The following PDE4B variants were observed in gnomAD, a reference collection of about 807,000 sequenced individuals.
PDE4B encodes the protein 3',5'-cyclic-AMP phosphodiesterase 4B.
In PDE4B, 20 loss-of-function variants were observed where a neutral mutation model predicts 82.2. The observed-to-expected ratio is 0.24, with a 90% CI of 0.17 to 0.35. The LOEUF is 0.35. Ranked by LOEUF, PDE4B falls within the 10% of genes least tolerant of loss-of-function variation. The pLI is 1.00. For missense variants in PDE4B, 655 were observed against 907.2 expected, an observed-to-expected ratio of 0.72 and a Z score of 3.57; for synonymous variants, 320 against 318.9, an observed-to-expected ratio of 1.00 and a Z score of -0.04.
chr1:66,212,465 A>ATC (rs1650130585), intron 3 of PDE4B, among the ~76,000 whole-genome samples: 1 of 151,972 alleles, frequency 6.6e-6, no homozygotes, highest in African/African-American at 2.4e-5. Context: ...GTTTGCTTGA[A>ATC]TCTCACATTC....
At chr1:66,028,953 C>T (rs1349532300) in intron 3 of PDE4B, among the ~76,000 whole-genome samples, 1 of 152,230 alleles carries the variant, frequency 6.6e-6, no homozygotes, top group Non-Finnish European at 1.5e-5. Flanking sequence ...CTGTTCCAAC[C>T]TCTGCCTGTT....
intron 1 of PDE4B, among the ~76,000 whole-genome samples, chr1:65,818,552 C>T (rs1645911673): frequency 6.6e-6 from 1 of 151,680 alleles, no homozygotes; most frequent in African/African-American, 2.4e-5. Flanking sequence ...TTGTGTGTGT[C>T]TTCTGTATAA....
intron 7 of PDE4B, among the ~76,000 whole-genome samples, chr1:66,326,664 C>A (rs1254050221): frequency 1.3e-5 from 2 of 152,152 alleles, no homozygotes; most frequent in Non-Finnish European, 2.9e-5. Context: ...ATGTACAGCT[C>A]TTTTCTGTGT....
At chr1:65,848,039 G>C (rs1233445446) in intron 1 of PDE4B, among the ~76,000 whole-genome samples, 2 of 152,154 alleles carry the variant, frequency 1.3e-5, no homozygotes, top group Non-Finnish European at 2.9e-5. Flanking sequence ...ATGAATGGGG[G>C]AGTTAATGTA....
intron 3 of PDE4B, among the ~76,000 whole-genome samples, chr1:66,234,699 T>C (rs1282458259): frequency 6.6e-6 from 1 of 152,130 alleles, no homozygotes; most frequent in Non-Finnish European, 1.5e-5. Context: ...TTTTTTTTCC[T>C]GGTAAGTCTG....
intron 3 of PDE4B, among the ~76,000 whole-genome samples, chr1:66,196,577 A>G (rs547751461): frequency 5.3e-5 from 8 of 152,332 alleles, no homozygotes; most frequent in East Asian, 3.9e-4. Context: ...TAGATGAAGA[A>G]CATGCTATCT....
intron 7 of PDE4B, among the ~76,000 whole-genome samples, chr1:66,302,193 A>G (rs988337809): frequency 3.3e-5 from 5 of 152,200 alleles, no homozygotes; most frequent in African/African-American, 9.6e-5. Flanking sequence ...GAGGCAATGG[A>G]AAAGCACAGT....
intron 3 of PDE4B, among the ~76,000 whole-genome samples, chr1:65,961,691 G>A (rs17128157): frequency 0.031 from 4,646 of 152,234 alleles, 235 homozygotes; most frequent in African/African-American, 0.11. Context: ...TCAATGGGAA[G>A]ACAGATGAGT....
intron 3 of PDE4B, among the ~76,000 whole-genome samples, chr1:65,959,197 G>T (rs1053011882): frequency 6.6e-6 from 1 of 152,052 alleles, no homozygotes; most frequent in African/African-American, 2.4e-5. Context: ...TTGAAATTTA[G>T]TTTTGAAAAC....
intron 9 of PDE4B, among the ~76,000 whole-genome samples, chr1:66,360,098 G>A (rs1174228509): frequency 2.0e-5 from 3 of 152,068 alleles, no homozygotes; most frequent in African/African-American, 7.2e-5. Flanking sequence ...ATTGGGTGGG[G>A]CTTATTCAGA....
intron 4 of PDE4B, among the ~76,000 whole-genome samples, chr1:66,252,121 G>A (rs1270808723): frequency 6.6e-6 from 1 of 152,178 alleles, no homozygotes; most frequent in Non-Finnish European, 1.5e-5. Context: ...GCAGGAGTTA[G>A]TGTTTAATTG....
intron 3 of PDE4B, among the ~76,000 whole-genome samples, chr1:66,235,240 G>C (rs1346006171): frequency 1.3e-4 from 20 of 152,254 alleles, no homozygotes; most frequent in Non-Finnish European, 8.8e-5. Flanking sequence ...TAGTTAAATT[G>C]ATGATGTTGT....
intron 8 of PDE4B, among the ~76,000 whole-genome samples, chr1:66,337,040 C>T (rs1397931894): frequency 2.6e-5 from 4 of 152,140 alleles, no homozygotes; most frequent in African/African-American, 9.7e-5. Flanking sequence ...ATGGAAAATG[C>T]CAGCTCCTGC....
At chr1:66,134,080 G>T (rs929872560) in intron 3 of PDE4B, among the ~76,000 whole-genome samples, 1 of 151,420 alleles carries the variant, frequency 6.6e-6, no homozygotes. Flanking sequence ...TGCCCTTAAA[G>T]AGTGGAATCT....
chr1:66,126,658 C>T (rs1645829891), intron 3 of PDE4B, among the ~76,000 whole-genome samples: 1 of 152,110 alleles, frequency 6.6e-6, no homozygotes, highest in Admixed American at 6.5e-5. Context: ...ACAAAGTTGC[C>T]ATTAGAACCC....
At chr1:66,235,262 A>G (rs984417479) in intron 3 of PDE4B, among the ~76,000 whole-genome samples, 2 of 152,184 alleles carry the variant, frequency 1.3e-5, no homozygotes, top group Non-Finnish European at 2.9e-5. Context: ...CAAGTCTTCT[A>G]TATCCTTACT....
intron 7 of PDE4B, among the ~76,000 whole-genome samples, chr1:66,313,523 A>G (rs892968881): frequency 6.6e-6 from 1 of 152,230 alleles, no homozygotes; most frequent in African/African-American, 2.4e-5. Context: ...AAATACAGTC[A>G]GTCTCTAAGG....
chr1:66,216,175 A>T (rs1317252635), intron 3 of PDE4B, among the ~76,000 whole-genome samples: 2 of 150,850 alleles, frequency 1.3e-5, no homozygotes, highest in African/African-American at 2.4e-5. Flanking sequence ...CCTCTATTTT[A>T]TTTTTTAAAA....
intron 3 of PDE4B, among the ~76,000 whole-genome samples, chr1:66,189,670 G>A (rs959275691): frequency 3.3e-5 from 5 of 152,130 alleles, no homozygotes; most frequent in African/African-American, 1.2e-4. Flanking sequence ...TCATGCCATG[G>A]TTTTCAGCTC....
Sources: gnomAD v4.1 joint callset for allele counts (sites outside exome capture counted in the v4.1 genomes callset) on GRCh38, gnomAD v4.1.1 for gene constraint, MANE v1.5 for transcripts, NCBI Gene and HGNC (gene_info 2026-07-23, HGNC 2026-07-21) for gene names.